TMEM191C: variants seen among roughly 807,000 people sequenced by gnomAD.
TMEM191C encodes transmembrane protein 191C.
A neutral mutation model predicts 37.1 loss-of-function variants in TMEM191C; 26 were observed. That is an observed-to-expected ratio of 0.70 (90% CI 0.51 to 0.97). TMEM191C has a LOEUF of 0.97. Ranked by LOEUF, TMEM191C falls within the 50% of genes least tolerant of loss-of-function variation. The pLI is 0.00. For synonymous variants in TMEM191C, 115 were observed against 143.7 expected, an observed-to-expected ratio of 0.80 and a Z score of 1.43; for missense variants, 240 against 294.7, an observed-to-expected ratio of 0.81 and a Z score of 1.36.
chr22:21,467,945 C>G lies in TMEM191C; in HGVS notation c.207C>G (p.Arg69=). ...QAAQPLQGEA[R]EAARERAERV... is the part of the protein sequence containing the mutation. ...CGCAGCCTCTGCAAGGGGAGGCGCG[C>G]GAGGCGGCGCGGGAGCGCGCGGAGC... Residue 69 remains arginine (R), a synonymous_variant, in exon 2 of 10, where the codon CGC becomes CGG. Transcript: ENST00000536718. The G allele has an allele frequency of 1.7e-6, 1 of 584,202 alleles. No individual in the cohort carries two copies. The highest frequency in any genetic ancestry group is 2.8e-5 in the East Asian group (1 of 35,246). 36.2% of individuals were successfully genotyped at this position (584,202 alleles called of 1,614,324 possible). A position where few individuals can be genotyped will look rare whatever the true frequency, so the allele number is the denominator to read the frequency against.
rs1416868022 is a variant in TMEM191C at position 21,467,976 on chromosome 22, C to T, written c.238C>T (p.Arg80Cys). The T allele has an allele frequency of 1.9e-6, 1 of 537,462 alleles. No homozygotes were observed. The highest frequency in any genetic ancestry group is 3.2e-5 in the African/African-American group (1 of 30,870). 33.3% of individuals were successfully genotyped at this position (537,462 alleles called of 1,614,324 possible). A position where few individuals can be genotyped will look rare whatever the true frequency, so the allele number is the denominator to read the frequency against. Residue 80 changes from arginine (R) to cysteine (C), a missense_variant, in exon 2 of 10, where the codon CGC (arginine) becomes TGC (cysteine). This residue lies in a region of TMEM191C where 130 missense variants were observed against 105.7 expected (regional missense o/e 1.23). Transcript: ENST00000536718. ...EAARERAERV[R>C]RRLEEAERHK... Reference sequence around the variant, plus strand: ...GGCGCGGGAGCGCGCGGAGCGGGTGCGCAGAAGACTGGAGGAGGCGGAGCG... The same window carrying T: ...GGCGCGGGAGCGCGCGGAGCGGGTGTGCAGAAGACTGGAGGAGGCGGAGCG...
intron 8 of TMEM191C, 22 bp downstream of exon 8, chr22:21,469,368 G>A (rs1924655125): frequency 1.9e-5 from 24 of 1,274,780 alleles, no homozygotes; most frequent in Non-Finnish European, 2.3e-5. Flanking sequence ...CGCGGGTCCG[G>A]GCGGGGTGGG....
chr22:21,469,674 G>A lies in TMEM191C; in HGVS notation c.762G>A (p.Gly254=). 6.6e-7 allele frequency: 1 copy of A among 1,509,230 alleles called. No individual in the cohort carries two copies. Among genetic ancestry groups the A allele is most frequent in the Non-Finnish European group, 8.8e-7 (1 of 1,135,798 alleles). The allele number at this position is 1,509,230 out of a possible 1,614,324, so 93.5% of individuals were successfully genotyped here. Residue 254 remains glycine (G), a synonymous_variant, in exon 10 of 10, where the codon GGG becomes GGA. Transcript: ENST00000536718. ...TGACGCTGCCGCTCCTCTTCCTGGGGCTGTCGCTGCTCTGGACGGTGCTGT... is the reference window on the plus strand; with the variant it reads ...TGACGCTGCCGCTCCTCTTCCTGGGACTGTCGCTGCTCTGGACGGTGCTGT... The part of the protein sequence containing the change: ...VLLTLPLLFL[G]LSLLWTVLLD...
rs1209576156 is a variant in TMEM191C, at chr22:21,468,341, G to A, written c.331-13G>A. ...AGCCCGGTAAACCCCGCCCTTACAA[G>A]CCCCGCCCCTAGCTCTTCTACTACG... On this transcript the variant is annotated splice_polypyrimidine_tract_variant and intron_variant, in intron 3 of 9. Coordinates refer to ENST00000536718, the MANE Select transcript of TMEM191C (RefSeq NM_001388354.1). 14 of 1,535,314 alleles carry A rather than the reference G, an allele frequency of 9.1e-6. No individual in the cohort carries two copies. The highest frequency in any genetic ancestry group is 1.2e-5 in the Non-Finnish European group (14 of 1,146,728).
Position 21,468,390 on chromosome 22 carries a change from A to T in TMEM191C, c.367A>T (p.Ser123Cys), listed in dbSNP as rs1244715257. The change falls in exon 4 of 10, where the codon AGC becomes TGC. Residue 123 changes from serine (S) to cysteine (C), a missense_variant. By Grantham distance (112) the Ser-to-Cys change is moderately radical (BLOSUM62 -1). Transcript: ENST00000536718. Reference protein sequence around the residue: ...YYGGELQSQKSTEQQLAAQLV... With the variant: ...YYGGELQSQKCTEQQLAAQLV... The stretch of plus-strand genomic sequence containing the variant: ...CGGAGGGGAACTGCAGAGCCAGAAG[A>T]GCACGGAGCAGCAACTCGCAGCCCA... 6.5e-7 allele frequency: 1 copy of T among 1,534,394 alleles called. No homozygotes were observed. The highest frequency in any genetic ancestry group is 8.7e-7 in the Non-Finnish European group (1 of 1,146,582).
intron 1 of TMEM191C, 83 bp from the exon 2 acceptor site, chr22:21,467,811 C>T: frequency 2.0e-6 from 1 of 496,116 alleles, no homozygotes; most frequent in Admixed American, 4.1e-5. Flanking sequence ...AATCATGAGC[C>T]TGCGGCTGGT....
intron 3 of TMEM191C, 53 bp downstream of exon 3, chr22:21,468,255 C>T: frequency 1.3e-6 from 2 of 1,533,666 alleles, no homozygotes; most frequent in Non-Finnish European, 8.7e-7. Flanking sequence ...GGAAGTCCTG[C>T]CCTTGTCCTC....
chr22:21,468,263 C>T (rs1924602353), intron 3 of TMEM191C, 61 bp downstream of exon 3: 1 of 1,533,934 alleles, frequency 6.5e-7, no homozygotes, highest in African/African-American at 1.4e-5. Context: ...TGCCCTTGTC[C>T]TCGCCCTTGT....
At chr22:21,468,295 C>T (rs1277422949) in intron 3 of TMEM191C, 59 bp from the exon 4 acceptor site, 8 of 1,535,072 alleles carry the variant, frequency 5.2e-6, no homozygotes, top group African/African-American at 1.4e-5. Context: ...CCCTGTCTCC[C>T]CTGACACCCG....
In TMEM191C at chr22:21,468,027, A is replaced by G. The variant is rs1179465436; in HGVS notation, c.279+10A>G. ...CCACAAGGAGTACTTGGTGAGGAAGAGTCCTGGAATGGGGCTGGACCCAGG... is the reference window on the plus strand; with the variant it reads ...CCACAAGGAGTACTTGGTGAGGAAGGGTCCTGGAATGGGGCTGGACCCAGG... On this transcript the variant is annotated intron_variant, in intron 2 of 9. Transcript: ENST00000536718. The G allele has an allele frequency of 2.4e-5, 13 of 534,040 alleles. No homozygotes were observed. The highest frequency in any genetic ancestry group is 2.3e-4 in the South Asian group (13 of 57,346). The allele number at this position is 534,040 out of a possible 1,614,324, so 33.1% of individuals were successfully genotyped here. A position where few individuals can be genotyped will look rare whatever the true frequency, so the allele number is the denominator to read the frequency against.
Position 21,467,535 on chromosome 22 carries a change from G to A in TMEM191C, c.76G>A (p.Glu26Lys), listed in dbSNP as rs899597556. 7.4e-6 allele frequency: 10 copies of A among 1,356,170 alleles called. No homozygotes were observed. Among genetic ancestry groups the A allele is most frequent in the Non-Finnish European group, 9.9e-6 (10 of 1,013,646 alleles). The allele number at this position is 1,356,170 out of a possible 1,614,324, so 84.0% of individuals were successfully genotyped here. A position where few individuals can be genotyped will look rare whatever the true frequency, so the allele number is the denominator to read the frequency against. The change falls in exon 1 of 10, where the codon GAG becomes AAG. Residue 26 changes from glutamate to lysine, a missense_variant. Transcript: ENST00000536718. ...TGGTCGCCAGCGGAAGCAGGAGCTA[G>A]AGAAGCTGATGCGCGGGCTCGAGGC... ...RDGRQRKQEL[E>K]KLMRGLEAES...
At position 21,469,614 on chromosome 22, in the gene TMEM191C, C is replaced by T; in HGVS notation, c.705-3C>T. On this transcript the variant is annotated splice_polypyrimidine_tract_variant and splice_region_variant and intron_variant, in intron 9 of 9. Coordinates refer to ENST00000536718, the MANE Select transcript of TMEM191C (RefSeq NM_001388354.1). ...GCCCACCTGCCCGCCTTTCGCCCCG[C>T]AGGCGGTGCGTGCTGGGCGCGCTGC... 6.8e-7 allele frequency: 1 copy of T among 1,479,302 alleles called. No homozygotes were observed. Among genetic ancestry groups the T allele is most frequent in the East Asian group, 2.9e-5 (1 of 34,066 alleles). The allele number at this position is 1,479,302 out of a possible 1,614,324, so 91.6% of individuals were successfully genotyped here.
Position 21,467,498 on chromosome 22 carries a change from G to A in TMEM191C, c.39G>A (p.Lys13=). 3.7e-6 allele frequency: 2 copies of A among 547,132 alleles called. No homozygotes were observed. Among genetic ancestry groups the A allele is most frequent in the Non-Finnish European group, 6.1e-6 (2 of 325,942 alleles). 33.9% of individuals were successfully genotyped at this position (547,132 alleles called of 1,614,324 possible). ...AGGAGCTGCTGCTGCAGTTGCAGAA[G>A]GATAACCGAGATGGTCGCCAGCGGA... The part of the protein sequence containing the change: ...ATQELLLQLQ[K]DNRDGRQRKQ... Residue 13 remains lysine, a synonymous_variant, in exon 1 of 10, where the codon AAG becomes AAA. Coordinates refer to ENST00000536718, the MANE Select transcript of TMEM191C (RefSeq NM_001388354.1).
At position 21,467,894 on chromosome 22, in the gene TMEM191C, C is replaced by G. The variant is rs1450362487; in HGVS notation, c.156C>G (p.Ser52Arg). ...RLQDLSERER[S>R]LLRRRSQAAQ... is the part of the protein sequence containing the mutation. ...CGCCAACCTCAGTTTCCCTCTGCAG[C>G]CTGCTGCGGAGGCGAAGCCAGGCAG... The change falls in exon 2 of 10, where the codon AGC becomes AGG. Residue 52 changes from serine to arginine, a missense_variant and splice_region_variant. Ser to Arg is a moderately radical substitution (Grantham distance 110). This residue lies in a region of TMEM191C where 130 missense variants were observed against 105.7 expected (regional missense o/e 1.23). Transcript: ENST00000536718. The G allele has an allele frequency of 1.2e-3, 717 of 612,332 alleles. No individual in the cohort carries two copies. The highest frequency in any genetic ancestry group is 1.7e-3 in the Non-Finnish European group (619 of 372,162). 37.9% of individuals were successfully genotyped at this position (612,332 alleles called of 1,614,324 possible).
chr22:21,467,422 C>T lies in TMEM191C; in HGVS notation c.-38C>T. ...ACGCCTGCCAGCCGCAGGCTGGGTC[C>T]CCGAGGCGGGCGGCATTTAGGCTCG... On this transcript the variant is annotated 5_prime_UTR_variant, in exon 1 of 10. Coordinates refer to ENST00000536718, the MANE Select transcript of TMEM191C (RefSeq NM_001388354.1). 2.2e-6 allele frequency: 1 copy of T among 452,124 alleles called. No individual in the cohort carries two copies. Among genetic ancestry groups the T allele is most frequent in the Non-Finnish European group, 3.7e-6 (1 of 268,494 alleles). 28.0% of individuals were successfully genotyped at this position (452,124 alleles called of 1,614,324 possible). A position where few individuals can be genotyped will look rare whatever the true frequency, so the allele number is the denominator to read the frequency against.
chr22:21,469,600 C>T lies in TMEM191C; in HGVS notation c.705-17C>T. On this transcript the variant is annotated splice_polypyrimidine_tract_variant and intron_variant, in intron 9 of 9. Transcript: ENST00000536718. ...CCGCCCGAGTTGCCGCCCACCTGCCCGCCTTTCGCCCCGCAGGCGGTGCGT... is the reference window on the plus strand; with the variant it reads ...CCGCCCGAGTTGCCGCCCACCTGCCTGCCTTTCGCCCCGCAGGCGGTGCGT... 1.4e-6 allele frequency: 2 copies of T among 1,477,238 alleles called. No individual in the cohort carries two copies. The highest frequency in any genetic ancestry group is 1.8e-6 in the Non-Finnish European group (2 of 1,123,318). The allele number at this position is 1,477,238 out of a possible 1,614,324, so 91.5% of individuals were successfully genotyped here. A position where few individuals can be genotyped will look rare whatever the true frequency, so the allele number is the denominator to read the frequency against.
Position 21,469,770 on chromosome 22 carries a change from C to G in TMEM191C, c.858C>G (p.Tyr286Ter). 1.3e-6 allele frequency: 2 copies of G among 1,531,836 alleles called. No homozygotes were observed. 94.9% of individuals were successfully genotyped at this position (1,531,836 alleles called of 1,614,324 possible). ...AGACGACGCTGCGCCGCCTGCGCTA[C>G]ACGCTGTCCCCGCTGCTGGAGCTGC... The part of the protein sequence containing the change: ...TSETTLRRLR[Y>*]TLSPLLELRA... The change falls in exon 10 of 10, where the codon TAC (tyrosine) becomes TAG (stop). Residue 286 changes from tyrosine to a stop codon, truncating the protein, a stop_gained. Transcript: ENST00000536718. LOFTEE classifies it high-confidence loss of function.
At chr22:21,469,404 C>T (rs1195627268) in intron 8 of TMEM191C, 58 bp downstream of exon 8, 6 of 1,301,126 alleles carry the variant, frequency 4.6e-6, no homozygotes, top group South Asian at 1.8e-5. Flanking sequence ...CCTCCCCGTC[C>T]CCCCCGCGGT....
In TMEM191C at chr22:21,469,519, G is replaced by A; in HGVS notation, c.689G>A (p.Arg230His). Reference sequence around the variant, plus strand: ...GAGACGCGGCTGTTCGGCGGCCCTCGCGCGCTGGCCATCAGGTGAGCCGGG... The same window carrying A: ...GAGACGCGGCTGTTCGGCGGCCCTCACGCGCTGGCCATCAGGTGAGCCGGG... Reference protein sequence around the residue: ...DRETRLFGGPRALAIRRCVLG... With the variant: ...DRETRLFGGPHALAIRRCVLG... Residue 230 changes from arginine to histidine, a missense_variant, in exon 9 of 10, where the codon CGC becomes CAC. By Grantham distance (29) the Arg-to-His change is conservative (BLOSUM62 0). Coordinates refer to ENST00000536718, the MANE Select transcript of TMEM191C (RefSeq NM_001388354.1). 3 of 1,356,596 alleles carry A rather than the reference G, an allele frequency of 2.2e-6. No individual in the cohort carries two copies. Among genetic ancestry groups the A allele is most frequent in the Non-Finnish European group, 2.8e-6 (3 of 1,062,290 alleles). The allele number at this position is 1,356,596 out of a possible 1,614,324, so 84.0% of individuals were successfully genotyped here. A position where few individuals can be genotyped will look rare whatever the true frequency, so the allele number is the denominator to read the frequency against.
Sources: gnomAD v4.1 joint callset for allele counts on GRCh38, gnomAD v4.1.1 for gene constraint, gnomAD v4.1.1 regional missense constraint, MANE v1.5 for transcripts, NCBI Gene and HGNC (gene_info 2026-07-23, HGNC 2026-07-21) for gene names.